Variants in CD2AP observed in about 807,000 individuals in gnomAD.
CD2AP encodes the protein CD2 associated protein.
Under a neutral mutation model 85.1 loss-of-function variants are expected in CD2AP, and 46 were observed. The ratio of observed to expected loss-of-function variants is 0.54; its 90% CI spans 0.43 to 0.69. The LOEUF is 0.69. CD2AP is among the 30% of genes least tolerant of loss of function. The probability of loss-of-function intolerance (pLI) is 0.00; values close to 1 mark genes in which losing one functional copy is unlikely to be tolerated. For synonymous variants in CD2AP, 255 were observed against 252.9 expected (o/e 1.01, Z -0.08); for missense variants, 769 against 729.5 (o/e 1.05, Z -0.62).
At chr6:47,615,782 A>T (rs9473140) in intron 17 of CD2AP, among the ~76,000 whole-genome samples, 112,667 of 144,928 alleles carry the variant, frequency 0.78, 44,203 homozygotes, top group Middle Eastern at 0.87. Flanking sequence ...TTTTAATTTT[A>T]ATTTAATTTA....
chr6:47,581,867 C>A, intron 10 of CD2AP, 136 bp from the exon 11 acceptor site: 1 of 643,910 alleles, frequency 1.6e-6, no homozygotes, highest in South Asian at 1.8e-5. Flanking sequence ...CTGGTAATTC[C>A]GGTACATTGT....
chr6:47,478,113 C>T lies in CD2AP; in HGVS notation c.-132C>T, dbSNP rs1582455167. On this transcript the variant is annotated 5_prime_UTR_variant, in exon 1 of 18. Coordinates refer to ENST00000359314, the MANE Select transcript of CD2AP (RefSeq NM_012120.3). ...CGGGCGGATGGAGGCGACTCTTCGCCCCGCCTGAGCTCAGGAGGGGCTAGC... is the reference window on the plus strand; with the variant it reads ...CGGGCGGATGGAGGCGACTCTTCGCTCCGCCTGAGCTCAGGAGGGGCTAGC... 1.7e-6 allele frequency: 2 copies of T among 1,211,432 alleles called. No homozygotes were observed. Among genetic ancestry groups the T allele is most frequent in the South Asian group, 1.3e-5 (1 of 76,706 alleles). 75.0% of individuals were successfully genotyped at this position (1,211,432 alleles called of 1,614,324 possible). A position where few individuals can be genotyped will look rare whatever the true frequency, so the allele number is the denominator to read the frequency against.
chr6:47,487,210 A>AT (rs761676625), intron 1 of CD2AP, among the ~76,000 whole-genome samples: 1 of 152,124 alleles, frequency 6.6e-6, no homozygotes, highest in Non-Finnish European at 1.5e-5. Context: ...GATCAAAACA[A>AT]TTTTTTTAAT....
chr6:47,581,862 A>G (rs1051912640), intron 10 of CD2AP, 141 bp from the exon 11 acceptor site: 1 of 617,030 alleles, frequency 1.6e-6, no homozygotes, highest in Non-Finnish European at 3.0e-6. Flanking sequence ...TGAGCCTGGT[A>G]ATTCCGGTAC....
chr6:47,615,789 T>TTTAATTAA (rs1554129255), intron 17 of CD2AP, among the ~76,000 whole-genome samples: 16 of 89,718 alleles, frequency 1.8e-4, no homozygotes, highest in African/African-American at 5.1e-4. Context: ...TTTAATTTAA[T>TTTAATTAA]TTAATTTATT....
At chr6:47,562,458 C>T (rs1456190617) in intron 5 of CD2AP, among the ~76,000 whole-genome samples, 1 of 152,082 alleles carries the variant, frequency 6.6e-6, no homozygotes, top group Non-Finnish European at 1.5e-5. Context: ...TAATACCAGA[C>T]TTTTGGGTCA....
chr6:47,515,481 C>G (rs988450935), intron 2 of CD2AP, among the ~76,000 whole-genome samples: 1 of 152,128 alleles, frequency 6.6e-6, no homozygotes, highest in African/African-American at 2.4e-5. Context: ...ATTCTCATGT[C>G]TTTGAAAATT....
chr6:47,512,308 C>T (rs1766339524), intron 2 of CD2AP, among the ~76,000 whole-genome samples: 3 of 152,152 alleles, frequency 2.0e-5, no homozygotes. Flanking sequence ...CACCACTGCA[C>T]TCCAGCCTGG....
chr6:47,600,445 C>G (rs995694488), intron 13 of CD2AP, among the ~76,000 whole-genome samples: 18 of 151,770 alleles, frequency 1.2e-4, no homozygotes, highest in Admixed American at 1.2e-3. Context: ...TTCAGGTGAC[C>G]TTATTCTTCC....
chr6:47,533,702 G>A lies in CD2AP; in HGVS notation c.266G>A (p.Gly89Glu). 1 of 1,614,068 alleles carries A rather than the reference G, an allele frequency of 6.2e-7. No individual in the cohort carries two copies. Among genetic ancestry groups the A allele is most frequent in the Non-Finnish European group, 8.5e-7 (1 of 1,179,994 alleles). ...ASLVQRISTY[G>E]LPAGGIQPHP... ...CTTGTACAACGAATAAGCACCTATGGACTTCCAGCTGGAGGAATTCAGCCA... is the reference window on the plus strand; with the variant it reads ...CTTGTACAACGAATAAGCACCTATGAACTTCCAGCTGGAGGAATTCAGCCA... The change falls in exon 3 of 18, where the codon GGA becomes GAA. Residue 89 changes from glycine (G) to glutamate (E), a missense_variant. By Grantham distance (98) the Gly-to-Glu change is moderately conservative. Coordinates refer to ENST00000359314, the MANE Select transcript of CD2AP (RefSeq NM_012120.3).
chr6:47,592,201 C>G (rs1055238609), intron 11 of CD2AP, among the ~76,000 whole-genome samples: 1 of 151,992 alleles, frequency 6.6e-6, no homozygotes, highest in African/African-American at 2.4e-5. Context: ...AGGCAGCTAA[C>G]ATAGAACTTT....
At chr6:47,557,850 T>C (rs992008759) in intron 5 of CD2AP, among the ~76,000 whole-genome samples, 24 of 152,214 alleles carry the variant, frequency 1.6e-4, no homozygotes, top group African/African-American at 4.8e-4. Flanking sequence ...AGTTTTTTTC[T>C]AATTCTGTGA....
At chr6:47,571,866 TA>T (rs1768163739) in intron 5 of CD2AP, among the ~76,000 whole-genome samples, 1 of 152,056 alleles carries the variant, frequency 6.6e-6, no homozygotes, top group African/African-American at 2.4e-5. Context: ...AATCCTACCC[TA>T]AAAAAGCTTC....
chr6:47,570,383 C>T (rs1381431033), intron 5 of CD2AP, among the ~76,000 whole-genome samples: 1 of 152,060 alleles, frequency 6.6e-6, no homozygotes, highest in Non-Finnish European at 1.5e-5. Flanking sequence ...TGTTTTTCTT[C>T]AAGCATAGCA....
At chr6:47,496,926 G>T (rs372552361) in intron 1 of CD2AP, among the ~76,000 whole-genome samples, 3 of 152,172 alleles carry the variant, frequency 2.0e-5, no homozygotes, top group East Asian at 1.9e-4. Flanking sequence ...TGTATTTGTG[G>T]ACTTAGCACT....
chr6:47,517,929 T>C (rs1766493779), intron 2 of CD2AP, among the ~76,000 whole-genome samples: 1 of 152,212 alleles, frequency 6.6e-6, no homozygotes, highest in Non-Finnish European at 1.5e-5. Flanking sequence ...CTTACTAAAT[T>C]TAATGTGTTG....
intron 13 of CD2AP, among the ~76,000 whole-genome samples, chr6:47,600,557 C>G (rs1186604765): frequency 6.6e-6 from 1 of 151,586 alleles, no homozygotes; most frequent in Non-Finnish European, 1.5e-5. Context: ...AGTTGGATTC[C>G]CCTTGTTATG....
At chr6:47,504,791 A>T (rs1399826076) in intron 2 of CD2AP, among the ~76,000 whole-genome samples, 1 of 152,182 alleles carries the variant, frequency 6.6e-6, no homozygotes, top group African/African-American at 2.4e-5. Context: ...TTTCTCAGTG[A>T]TGTAAAAGTT....
chr6:47,521,647 A>C (rs1766598915), intron 2 of CD2AP, among the ~76,000 whole-genome samples: 1 of 152,208 alleles, frequency 6.6e-6, no homozygotes, highest in African/African-American at 2.4e-5. Context: ...AAAAAAGAAG[A>C]ATAGATTTGC....
Sources: allele counts gnomAD v4.1 joint callset (sites outside exome capture counted in the v4.1 genomes callset), GRCh38; gene constraint gnomAD v4.1.1; transcripts MANE v1.5; gene names NCBI Gene and HGNC (gene_info 2026-07-23, HGNC 2026-07-21).